The following NALF1 variants were observed in gnomAD, a reference collection of about 807,000 sequenced individuals.
NALF1 encodes family with sequence similarity 155 member A.
Under a neutral mutation model 48.4 loss-of-function variants are expected in NALF1, and 3 were observed. The observed-to-expected ratio is 0.06, with a 90% CI of 0.03 to 0.16. NALF1 has a LOEUF of 0.16. Among genes scored for constraint, NALF1 ranks in the 10% least tolerant of loss-of-function variants. The pLI is 1.00. For synonymous variants in NALF1, 262 were observed against 245.7 expected, an observed-to-expected ratio of 1.07 and a Z score of -0.62; for missense variants, 526 against 571.5, an observed-to-expected ratio of 0.92 and a Z score of 0.81.
intron 1 of NALF1, among the ~76,000 whole-genome samples, chr13:107,849,625 T>C (rs111295185): frequency 1.3e-5 from 2 of 152,174 alleles, no homozygotes; most frequent in African/African-American, 4.8e-5. Flanking sequence ...AGAATACTTG[T>C]CCCAGTAAAC....
chr13:107,398,952 TGG>T (rs752392592), intron 1 of NALF1, among the ~76,000 whole-genome samples: 9 of 152,212 alleles, frequency 5.9e-5, no homozygotes, highest in Non-Finnish European at 8.8e-5. Context: ...CTTCCGTGTT[TGG>T]AGCAGAAAGC....
At chr13:107,498,001 C>T (rs1438381506) in intron 1 of NALF1, among the ~76,000 whole-genome samples, 1 of 151,852 alleles carries the variant, frequency 6.6e-6, no homozygotes, top group African/African-American at 2.4e-5. Context: ...GTTTGAGTGC[C>T]TTATAAGTTC....
chr13:107,711,791 C>T (rs974309237), intron 1 of NALF1, among the ~76,000 whole-genome samples: 21 of 152,302 alleles, frequency 1.4e-4, no homozygotes, highest in Non-Finnish European at 2.5e-4. Context: ...CTAAAAACTA[C>T]TACTTCTAGA....
At chr13:107,762,373 A>G (rs543130214) in intron 1 of NALF1, among the ~76,000 whole-genome samples, 7 of 152,306 alleles carry the variant, frequency 4.6e-5, no homozygotes, top group Admixed American at 1.3e-4. Context: ...TGAGTTATAC[A>G]TATGTAACAA....
intron 1 of NALF1, among the ~76,000 whole-genome samples, chr13:107,704,820 CT>C (rs1300295535): frequency 6.6e-6 from 1 of 152,126 alleles, no homozygotes; most frequent in Non-Finnish European, 1.5e-5. Context: ...CTCAATTTCT[CT>C]AGCTCACTAT....
rs2138757387 is a variant in NALF1 at position 107,166,606 on chromosome 13, T to C, written c.*3891A>G. ...GACTGGTTAACGTTTTTGATGTTGTTCAGATATCAAATACCATATGCCAAT... is the reference window on the plus strand; with the variant it reads ...GACTGGTTAACGTTTTTGATGTTGTCCAGATATCAAATACCATATGCCAAT... On this transcript the variant is annotated 3_prime_UTR_variant, in exon 3 of 3. Coordinates refer to ENST00000375915, the MANE Select transcript of NALF1 (RefSeq NM_001080396.3). 1 of 152,308 alleles carries C rather than the reference T, an allele frequency of 6.6e-6. No homozygotes were observed. The highest frequency in any genetic ancestry group is 2.1e-4 in the South Asian group (1 of 4,822). 9.4% of individuals were successfully genotyped at this position (152,308 alleles called of 1,614,324 possible).
intron 1 of NALF1, among the ~76,000 whole-genome samples, chr13:107,723,859 T>A (rs1876064500): frequency 6.6e-6 from 1 of 152,226 alleles, no homozygotes; most frequent in African/African-American, 2.4e-5. Context: ...ATCCTGTTTA[T>A]CTAATTTTAA....
chr13:107,754,222 A>G (rs1445834916), intron 1 of NALF1, among the ~76,000 whole-genome samples: 2 of 152,310 alleles, frequency 1.3e-5, no homozygotes, highest in East Asian at 3.9e-4. Flanking sequence ...AGGTGAGATT[A>G]GTTAGATGGT....
rs1449089743 is a variant in NALF1, at chr13:107,480,691, G to T, written c.916-269936C>A. Among the ~76,000 whole-genome samples the T allele has an allele frequency of 3.3e-5, 5 of 152,274 alleles. No homozygotes were observed. In the East Asian group the frequency reaches 9.7e-4, roughly 29 times the overall value. On this transcript the variant is annotated intron_variant, in intron 1 of 2. Coordinates refer to ENST00000375915, the MANE Select transcript of NALF1 (RefSeq NM_001080396.3). ...GGATACATGCGGCCCACGGGCCGTGGGTTGGACAAGCTTACTATAGAACAT... is the reference window on the plus strand; with the variant it reads ...GGATACATGCGGCCCACGGGCCGTGTGTTGGACAAGCTTACTATAGAACAT...
intron 1 of NALF1, among the ~76,000 whole-genome samples, chr13:107,733,209 G>A (rs1292159091): frequency 2.0e-5 from 3 of 152,128 alleles, no homozygotes; most frequent in Non-Finnish European, 4.4e-5. Flanking sequence ...GCCTTATGCC[G>A]ACTTAAACTG....
At chr13:107,693,328 T>TGGGGG (rs1566446153) in intron 1 of NALF1, among the ~76,000 whole-genome samples, 9 of 55,946 alleles carry the variant, frequency 1.6e-4, no homozygotes, top group African/African-American at 2.2e-4. Context: ...TGTCGTAGGG[T>TGGGGG]AGGGGGGGCG....
chr13:107,638,207 A>ATATATATATATAT (rs533265281), intron 1 of NALF1, among the ~76,000 whole-genome samples: 11 of 142,538 alleles, frequency 7.7e-5, no homozygotes, highest in East Asian at 2.5e-4. Flanking sequence ...ATATATATAT[A>ATATATATATATAT]ATTTAAGATG....
chr13:107,527,926 C>T (rs1315626533), intron 1 of NALF1, among the ~76,000 whole-genome samples: 1 of 152,058 alleles, frequency 6.6e-6, no homozygotes, highest in Non-Finnish European at 1.5e-5. Context: ...TGAAAACAAA[C>T]TAATACAAAG....
Position 107,563,641 on chromosome 13 carries a change from C to T in NALF1, c.915+302041G>A, listed in dbSNP as rs112240018. Among the ~76,000 whole-genome samples the T allele has an allele frequency of 7.6e-3, 1,157 of 152,312 alleles. 15 individuals are homozygous for T. Among genetic ancestry groups the T allele is most frequent in the African/African-American group, 0.027 (1,109 of 41,570 alleles). On this transcript the variant is annotated intron_variant, in intron 1 of 2. Coordinates refer to ENST00000375915, the MANE Select transcript of NALF1 (RefSeq NM_001080396.3). ...TCCCACAAAGCACTAGTGTCCTTTA[C>T]TTCTGTCCCTCTTTACTGAAAGTCT... is the stretch of plus-strand genomic sequence containing the variant.
chr13:107,849,527 C>A (rs1880258258), intron 1 of NALF1, among the ~76,000 whole-genome samples: 2 of 152,214 alleles, frequency 1.3e-5, no homozygotes, highest in African/African-American at 4.8e-5. Flanking sequence ...AAGAAGCCTG[C>A]CCAAGGCCTC....
intron 1 of NALF1, among the ~76,000 whole-genome samples, chr13:107,567,669 G>C (rs1038624381): frequency 2.0e-5 from 3 of 152,170 alleles, no homozygotes; most frequent in African/African-American, 7.2e-5. Context: ...GGGTGTGTCT[G>C]TAGCTCTATG....
intron 1 of NALF1, among the ~76,000 whole-genome samples, chr13:107,419,476 A>G (rs1884147949): frequency 6.6e-6 from 1 of 152,206 alleles, no homozygotes; most frequent in African/African-American, 2.4e-5. Context: ...AATAAAAATA[A>G]CATTGACTCT....
intron 1 of NALF1, among the ~76,000 whole-genome samples, chr13:107,609,286 A>T (rs150890185): frequency 0.015 from 2,330 of 152,306 alleles, 40 homozygotes; most frequent in Non-Finnish European, 0.021. Context: ...AGAGCAGTTT[A>T]TGTGCCAGGA....
At chr13:107,241,188 T>C (rs1379344324) in intron 1 of NALF1, among the ~76,000 whole-genome samples, 1 of 152,040 alleles carries the variant, frequency 6.6e-6, no homozygotes, top group Non-Finnish European at 1.5e-5. Context: ...GGTAAGACTT[T>C]GTCTCAAATA....
Sources: allele counts gnomAD v4.1 joint callset (sites outside exome capture counted in the v4.1 genomes callset), GRCh38; gene constraint gnomAD v4.1.1; transcripts MANE v1.5; gene names NCBI Gene and HGNC (gene_info 2026-07-23, HGNC 2026-07-21).